Variants in PLXNA4 observed in about 807,000 individuals in gnomAD.
PLXNA4 encodes plexin-A4.
In PLXNA4, 44 loss-of-function variants were observed where a neutral mutation model predicts 191.8. The ratio of observed to expected loss-of-function variants is 0.23; its 90% CI spans 0.18 to 0.29. PLXNA4 has a LOEUF of 0.29. Ranked by LOEUF, PLXNA4 falls within the 10% of genes least tolerant of loss-of-function variation. The pLI, the probability that PLXNA4 is intolerant of heterozygous loss-of-function variation, is 1.00. For missense variants in PLXNA4, 1,800 were observed against 2,488.8 expected (o/e 0.72, Z 5.89); for synonymous variants, 1,082 against 1,009.5 (o/e 1.07, Z -1.36).
At chr7:132,378,085 C>A (rs1786070235) in intron 3 of PLXNA4, among the ~76,000 whole-genome samples, 1 of 152,148 alleles carries the variant, frequency 6.6e-6, no homozygotes. Flanking sequence ...ATCACACTCT[C>A]CTGGTGAAAC....
chr7:132,307,891 C>T (rs1254031500), intron 3 of PLXNA4, among the ~76,000 whole-genome samples: 1 of 152,138 alleles, frequency 6.6e-6, no homozygotes, highest in Non-Finnish European at 1.5e-5. Flanking sequence ...AGTGTGTGTG[C>T]ACAAATCGTG....
chr7:132,145,894 A>G (rs1460597708), intron 28 of PLXNA4, among the ~76,000 whole-genome samples: 2 of 120,788 alleles, frequency 1.7e-5, no homozygotes, highest in Non-Finnish European at 3.4e-5. Context: ...ACATGGTGAA[A>G]CCCCACCTCT....
At chr7:132,276,222 A>G (rs946866773) in intron 4 of PLXNA4, among the ~76,000 whole-genome samples, 8 of 152,226 alleles carry the variant, frequency 5.3e-5, no homozygotes, top group African/African-American at 1.9e-4. Context: ...TGTCAAAGGA[A>G]TATGAGTGGG....
intron 1 of PLXNA4, among the ~76,000 whole-genome samples, chr7:132,524,128 C>T (rs1029937579): frequency 3.9e-5 from 6 of 152,178 alleles, no homozygotes; most frequent in Non-Finnish European, 7.3e-5. Flanking sequence ...ATCAACCTAA[C>T]CCTGCAAAAA....
chr7:132,369,506 A>G (rs1049721282), intron 3 of PLXNA4, among the ~76,000 whole-genome samples: 4 of 152,050 alleles, frequency 2.6e-5, no homozygotes, highest in African/African-American at 4.8e-5. Context: ...TGGCTAATGG[A>G]AGAAGCCAGG....
At chr7:132,631,634 G>T (rs1401523170) in intron 2 of PLXNA4, among the ~76,000 whole-genome samples, 1 of 152,076 alleles carries the variant, frequency 6.6e-6, no homozygotes, top group African/African-American at 2.4e-5. Context: ...GGGTAGCTGT[G>T]TCCCTGAATG....
chr7:132,317,592 T>A (rs1801996360), intron 3 of PLXNA4, among the ~76,000 whole-genome samples: 1 of 152,118 alleles, frequency 6.6e-6, no homozygotes, highest in Non-Finnish European at 1.5e-5. Flanking sequence ...TTGACTTGAG[T>A]TGGACTGAAC....
chr7:132,186,086 C>A (rs1020508), intron 15 of PLXNA4, among the ~76,000 whole-genome samples: 29,292 of 152,122 alleles, frequency 0.19, 3,826 homozygotes, highest in African/African-American at 0.36. Context: ...CAGCTCTCAG[C>A]GTAGCTCCCT....
intron 5 of PLXNA4, among the ~76,000 whole-genome samples, chr7:132,231,559 G>C (rs1238651030): frequency 6.6e-6 from 1 of 152,114 alleles, no homozygotes; most frequent in Non-Finnish European, 1.5e-5. Context: ...CAAGTAGCTG[G>C]GACTACAGGC....
chr7:132,313,931 A>C (rs1801846256), intron 3 of PLXNA4, among the ~76,000 whole-genome samples: 2 of 152,152 alleles, frequency 1.3e-5, no homozygotes, highest in African/African-American at 4.8e-5. Context: ...GAAGAACACA[A>C]ATCACTATTT....
At chr7:132,234,205 T>C (rs953400992) in intron 5 of PLXNA4, among the ~76,000 whole-genome samples, 1 of 152,206 alleles carries the variant, frequency 6.6e-6, no homozygotes, top group African/African-American at 2.4e-5. Context: ...TGCTGCCTAT[T>C]ACCTGAGACA....
chr7:132,555,555 C>T (rs1478157253), intron 1 of PLXNA4, among the ~76,000 whole-genome samples: 1 of 152,204 alleles, frequency 6.6e-6, no homozygotes, highest in East Asian at 1.9e-4. Context: ...ATGTGTCAAG[C>T]AGTGTGCAAG....
intron 3 of PLXNA4, among the ~76,000 whole-genome samples, chr7:132,445,170 A>C (rs1293538147): frequency 1.3e-5 from 2 of 150,590 alleles, no homozygotes; most frequent in African/African-American, 4.9e-5. Context: ...AAAAAAAAAA[A>C]AAAAAAAAAA....
Position 132,270,924 on chromosome 7 carries a change from G to T in PLXNA4, c.1503+27167C>A, listed in dbSNP as rs530697799. Among the ~76,000 whole-genome samples, 12 of 152,312 alleles carry T rather than the reference G, an allele frequency of 7.9e-5. 1 individual carries two copies. The South Asian group carries it at 1.5e-3, about 18-fold the overall frequency. On this transcript the variant is annotated intron_variant, in intron 4 of 31. Coordinates refer to ENST00000321063, the MANE Select transcript of PLXNA4 (RefSeq NM_020911.2). ...TGAAACTTTTCAATGCAGTGGAGAT[G>T]AGTAGTACTCACTTACATCTGGTTC...
chr7:132,214,942 G>A (rs1287852581), intron 9 of PLXNA4, among the ~76,000 whole-genome samples: 2 of 152,110 alleles, frequency 1.3e-5, no homozygotes, highest in Admixed American at 6.6e-5. Flanking sequence ...CGTCTGGTCC[G>A]GGGTGAGTGG....
intron 4 of PLXNA4, among the ~76,000 whole-genome samples, chr7:132,291,353 G>A (rs1425455688): frequency 2.0e-5 from 3 of 152,196 alleles, no homozygotes; most frequent in South Asian, 2.1e-4. Context: ...CTCCTGAGTC[G>A]GTTTAATTTT....
At chr7:132,644,990 C>T (rs190900811) in intron 2 of PLXNA4, among the ~76,000 whole-genome samples, 1 of 152,304 alleles carries the variant, frequency 6.6e-6, no homozygotes, top group Non-Finnish European at 1.5e-5. Flanking sequence ...GATGTTTCCC[C>T]TCGGGTTAGG....
At chr7:132,361,869 G>T (rs1370614434) in intron 3 of PLXNA4, among the ~76,000 whole-genome samples, 3 of 152,100 alleles carry the variant, frequency 2.0e-5, no homozygotes, top group Non-Finnish European at 4.4e-5. Context: ...GTTCTATTTT[G>T]TCCTCCTTTG....
rs1293928509 is a variant in PLXNA4, at chr7:132,179,139, G to A, written c.3874+548C>T. Among the ~76,000 whole-genome samples the A allele has an allele frequency of 9.6e-5, 8 of 83,064 alleles. 1 individual carries two copies. Among genetic ancestry groups the A allele is most frequent in the South Asian group, 4.6e-4 (1 of 2,190 alleles). The allele number at this position is 83,064 out of a possible 152,430, so 54.5% of individuals were successfully genotyped here. A position where few individuals can be genotyped will look rare whatever the true frequency, so the allele number is the denominator to read the frequency against. On this transcript the variant is annotated intron_variant, in intron 20 of 31. Coordinates refer to ENST00000321063, the MANE Select transcript of PLXNA4 (RefSeq NM_020911.2). ...CACATACACGTGCGTGCTCACACAC[G>A]TGCGTGCTCACACACACACACACAC...
Sources: gnomAD v4.1 joint callset for allele counts (sites outside exome capture counted in the v4.1 genomes callset) on GRCh38, gnomAD v4.1.1 for gene constraint, MANE v1.5 for transcripts, NCBI Gene and HGNC (gene_info 2026-07-23, HGNC 2026-07-21) for gene names.